ALDH7A1: variants seen among roughly 807,000 people sequenced by gnomAD.
The protein encoded by ALDH7A1 is aldehyde dehydrogenase 7 family member A1.
Under a neutral mutation model 79.9 loss-of-function variants are expected in ALDH7A1, and 63 were observed. That is an observed-to-expected ratio of 0.79 (90% CI 0.64 to 0.97). The LOEUF (loss-of-function observed/expected upper bound fraction) is 0.97. Among genes scored for constraint, ALDH7A1 ranks in the 50% least tolerant of loss-of-function variants. ALDH7A1 has a pLI of 0.00. For missense variants in ALDH7A1, 627 were observed against 665.2 expected, an observed-to-expected ratio of 0.94 and a Z score of 0.63; for synonymous variants, 240 against 231.2, an observed-to-expected ratio of 1.04 and a Z score of -0.34.
At chr5:126,564,954 A>T (rs879945136) in intron 9 of ALDH7A1, among the ~76,000 whole-genome samples, 2 of 152,200 alleles carry the variant, frequency 1.3e-5, no homozygotes, top group Non-Finnish European at 2.9e-5. Flanking sequence ...AAAAATTATA[A>T]TTCTACTACT....
At chr5:126,546,734 T>C (rs543355082) in intron 16 of ALDH7A1, among the ~76,000 whole-genome samples, 1 of 152,188 alleles carries the variant, frequency 6.6e-6, no homozygotes, top group South Asian at 2.1e-4. Flanking sequence ...ATGTTATTCA[T>C]AGTTTTTCTT....
chr5:126,583,339 G>A (rs1561667289), intron 4 of ALDH7A1, among the ~76,000 whole-genome samples: 2 of 151,576 alleles, frequency 1.3e-5, no homozygotes, highest in Non-Finnish European at 1.5e-5. Flanking sequence ...AAATCAGCCG[G>A]GCATGGTGGT....
Position 126,543,946 on chromosome 5 carries a change from T to TA in ALDH7A1, c.*1018dup, listed in dbSNP as rs942417594. 3.0e-4 allele frequency: 43 copies of TA among 143,112 alleles called. No homozygotes were observed. The highest frequency in any genetic ancestry group is 1.1e-3 in the African/African-American group (43 of 39,312). 8.9% of individuals were successfully genotyped at this position (143,112 alleles called of 1,614,324 possible). A position where few individuals can be genotyped will look rare whatever the true frequency, so the allele number is the denominator to read the frequency against. ...CTAAAGAAGGTGGTCTAAGGTTGTA[T>TA]AAAAAAATCCAGATGCACTTTTTTT... On this transcript the variant is annotated 3_prime_UTR_variant, in exon 18 of 18. Coordinates refer to ENST00000409134, the MANE Select transcript of ALDH7A1 (RefSeq NM_001182.5).
At chr5:126,594,332 C>A (rs1214349819) in intron 1 of ALDH7A1, 3 of 463,638 alleles carry the variant, frequency 6.5e-6, no homozygotes, top group Non-Finnish European at 1.4e-5. Context: ...CTGCGGTGCA[C>A]GTCACAGCTG....
chr5:126,593,085 T>G (rs1399426315), intron 2 of ALDH7A1, among the ~76,000 whole-genome samples: 1 of 152,226 alleles, frequency 6.6e-6, no homozygotes, highest in Non-Finnish European at 1.5e-5. Context: ...CTGCCTTAAA[T>G]GGCCCCCTGC....
chr5:126,575,906 G>A (rs1000905729), intron 6 of ALDH7A1, among the ~76,000 whole-genome samples: 3 of 152,202 alleles, frequency 2.0e-5, no homozygotes, highest in Admixed American at 1.3e-4. Context: ...CCCTGAAAGA[G>A]CTCGGGGCTA....
At chr5:126,594,905 A>G in intron 1 of ALDH7A1, 102 bp downstream of exon 1, 1 of 1,448,136 alleles carries the variant, frequency 6.9e-7, no homozygotes, top group Non-Finnish European at 9.5e-7. Context: ...CTCCCATGCT[A>G]CTACCGCATC....
chr5:126,591,927 CTTTTTT>C (rs535978673), intron 3 of ALDH7A1: 20 of 131,290 alleles, frequency 1.5e-4, no homozygotes, highest in African/African-American at 5.2e-4. Flanking sequence ...TGCCACTGCT[CTTTTTT>C]TTTTTTTTTT....
intron 10 of ALDH7A1, among the ~76,000 whole-genome samples, chr5:126,560,247 G>A (rs1003278413): frequency 4.6e-5 from 7 of 152,142 alleles, no homozygotes; most frequent in Non-Finnish European, 7.4e-5. Flanking sequence ...CAAGGCAGGC[G>A]GATCACCTGA....
intron 3 of ALDH7A1, among the ~76,000 whole-genome samples, chr5:126,589,787 G>A (rs1176977592): frequency 4.7e-5 from 7 of 150,114 alleles, no homozygotes; most frequent in African/African-American, 9.8e-5. Flanking sequence ...AGTGAGGAGC[G>A]CCTCTGCTCG....
At chr5:126,571,248 C>T (rs1256974041) in intron 7 of ALDH7A1, 2 of 273,542 alleles carry the variant, frequency 7.3e-6, no homozygotes, top group Admixed American at 1.1e-4. Context: ...GAGGCCGAAG[C>T]AGGTGGATCA....
chr5:126,559,490 C>T, intron 10 of ALDH7A1, 156 bp from the exon 11 acceptor site: 1 of 576,516 alleles, frequency 1.7e-6, no homozygotes, highest in Non-Finnish European at 3.1e-6. Flanking sequence ...GGATGGAGTG[C>T]AATGGCACGA....
intron 7 of ALDH7A1, among the ~76,000 whole-genome samples, chr5:126,574,240 A>G (rs1160765028): frequency 1.3e-5 from 2 of 151,046 alleles, no homozygotes; most frequent in East Asian, 2.0e-4. Context: ...CTCTACTAAA[A>G]ATACAAAAAA....
chr5:126,582,941 CTTCCACTAAGATTT>C lies in ALDH7A1; in HGVS notation c.413_426del (p.Lys138ArgfsTer4). 1 of 1,613,954 alleles carries C rather than the reference CTTCCACTAAGATTT, an allele frequency of 6.2e-7. No individual in the cohort carries two copies. The highest frequency in any genetic ancestry group is 8.5e-7 in the Non-Finnish European group (1 of 1,179,938). The stretch of plus-strand genomic sequence containing the variant: ...ACATACTCCTGAACTTCACCCACAC[CTTCCACTAAGATTT>C]TCCCCATCTCCAAAGACACCTAGAA... On this transcript the variant is annotated frameshift_variant, in exon 5 of 18. Coordinates refer to ENST00000409134, the MANE Select transcript of ALDH7A1 (RefSeq NM_001182.5). LOFTEE classifies it high-confidence loss of function.
intron 9 of ALDH7A1, among the ~76,000 whole-genome samples, chr5:126,566,037 T>C (rs551293015): frequency 2.5e-4 from 38 of 152,368 alleles, no homozygotes; most frequent in African/African-American, 8.7e-4. Flanking sequence ...ATTATCTTCT[T>C]TTTCAAGATT....
chr5:126,556,496 A>C (rs1750200394), intron 11 of ALDH7A1, among the ~76,000 whole-genome samples: 1 of 152,090 alleles, frequency 6.6e-6, no homozygotes, highest in African/African-American at 2.4e-5. Flanking sequence ...CACCCACCTC[A>C]GTCTCCCAAA....
Position 126,570,862 on chromosome 5 carries a change from A to G in ALDH7A1, c.696-3T>C, listed in dbSNP as rs749516893. 3 of 1,613,674 alleles carry G rather than the reference A, an allele frequency of 1.9e-6. No individual in the cohort carries two copies. In the African/African-American group the frequency reaches 4.0e-5, roughly 22 times the overall value. On this transcript the variant is annotated splice_polypyrimidine_tract_variant and splice_region_variant and intron_variant, in intron 7 of 17. Coordinates refer to ENST00000409134, the MANE Select transcript of ALDH7A1 (RefSeq NM_001182.5). Reference sequence around the variant, plus strand: ...CCTCCAGAACCTTGGCTATTATCCTAGAAAGGAAAAAGCAATTACTGAGGC... The same window carrying G: ...CCTCCAGAACCTTGGCTATTATCCTGGAAAGGAAAAAGCAATTACTGAGGC...
chr5:126,583,628 G>A (rs969400164), intron 4 of ALDH7A1, among the ~76,000 whole-genome samples: 3 of 151,948 alleles, frequency 2.0e-5, no homozygotes, highest in African/African-American at 4.8e-5. Flanking sequence ...CCTGAGGTTA[G>A]GAGTTCAAGA....
intron 8 of ALDH7A1, chr5:126,570,026 G>A (rs1263794797): frequency 1.3e-5 from 2 of 152,180 alleles, no homozygotes; most frequent in Non-Finnish European, 2.9e-5. Flanking sequence ...ATCATGCCAA[G>A]TAAAAGCAGC....
Sources: allele counts gnomAD v4.1 joint callset (sites outside exome capture counted in the v4.1 genomes callset), GRCh38; gene constraint gnomAD v4.1.1; transcripts MANE v1.5; gene names NCBI Gene and HGNC (gene_info 2026-07-23, HGNC 2026-07-21).